The following GPHN variants were observed in gnomAD, a reference collection of about 807,000 sequenced individuals.
GPHN encodes gephyrin.
A neutral mutation model predicts 95.5 loss-of-function variants in GPHN; 17 were observed. The ratio of observed to expected loss-of-function variants is 0.18; its 90% CI spans 0.12 to 0.27. GPHN has a LOEUF of 0.27. Ranked by LOEUF, GPHN falls within the 10% of genes least tolerant of loss-of-function variation. The pLI is 1.00. For synonymous variants in GPHN, 320 were observed against 322.5 expected (o/e 0.99, Z 0.08); for missense variants, 660 against 978.1 (o/e 0.67, Z 4.34).
chr14:67,177,675 G>C (rs1400856780), intron 21 of GPHN, among the ~76,000 whole-genome samples: 1 of 152,088 alleles, frequency 6.6e-6, no homozygotes, highest in Non-Finnish European at 1.5e-5. Flanking sequence ...ATTGACAGTG[G>C]GGTGTTAAAG....
chr14:67,641,091 ACAAT>A, the GPHN span, among the ~76,000 whole-genome samples: 1 of 152,226 alleles, frequency 6.6e-6, no homozygotes, highest in South Asian at 2.1e-4. Context: ...GTGATGCCAA[ACAAT>A]CATATTGTCC....
At chr14:67,539,678 A>AT in the GPHN span, among the ~76,000 whole-genome samples, 10 of 151,996 alleles carry the variant, frequency 6.6e-5, no homozygotes, top group Admixed American at 3.9e-4. Flanking sequence ...AATTCTTTTT[A>AT]TTTTTTTTGG....
At chr14:67,688,442 T>C in the GPHN span, among the ~76,000 whole-genome samples, 2 of 152,172 alleles carry the variant, frequency 1.3e-5, no homozygotes, top group Admixed American at 1.3e-4. Context: ...TCCTTGTGCA[T>C]GATACATACA....
intron 13 of GPHN, 46 bp from the exon 14 acceptor site, chr14:67,110,094 T>G (rs1567344862): frequency 6.3e-7 from 1 of 1,589,646 alleles, no homozygotes; most frequent in Non-Finnish European, 8.6e-7. Flanking sequence ...ACTTTTCCTT[T>G]GCAGCAGCAA....
intron 1 of GPHN, among the ~76,000 whole-genome samples, chr14:66,535,816 A>G (rs1261780370): frequency 1.3e-5 from 2 of 152,122 alleles, no homozygotes; most frequent in Non-Finnish European, 2.9e-5. Flanking sequence ...GCAACCCGCT[A>G]AATTTGCTTA....
chr14:67,575,353 A>G, the GPHN span: 3 of 1,228,244 alleles, frequency 2.4e-6, no homozygotes, highest in Admixed American at 5.7e-5. Context: ...TTCTAGAGTT[A>G]CCTAGTTCTC....
At chr14:66,714,766 G>GA (rs2070005978) in intron 2 of GPHN, among the ~76,000 whole-genome samples, 1 of 152,104 alleles carries the variant, frequency 6.6e-6, no homozygotes, top group South Asian at 2.1e-4. Flanking sequence ...CTTTTTATGT[G>GA]AGGTATCACA....
chr14:67,523,489 C>G, the GPHN span, among the ~76,000 whole-genome samples: 4 of 152,232 alleles, frequency 2.6e-5, no homozygotes, highest in Non-Finnish European at 5.9e-5. Context: ...AAGAATGAAA[C>G]CTAGGCATTT....
At chr14:67,656,413 T>C in the GPHN span, 1 of 1,601,744 alleles carries the variant, frequency 6.2e-7, no homozygotes, top group Non-Finnish European at 8.5e-7. Flanking sequence ...TGCCCAGACT[T>C]ACTCTACTCT....
intron 2 of GPHN, among the ~76,000 whole-genome samples, chr14:66,763,634 C>T (rs2058846022): frequency 6.6e-6 from 1 of 151,718 alleles, no homozygotes; most frequent in Non-Finnish European, 1.5e-5. Context: ...TTAATCCAGT[C>T]TATCATTGTT....
chr14:66,662,801 G>T (rs1332124697), intron 1 of GPHN, among the ~76,000 whole-genome samples: 1 of 152,208 alleles, frequency 6.6e-6, no homozygotes, highest in African/African-American at 2.4e-5. Flanking sequence ...TAGCGCTGAA[G>T]AAAACAACAG....
At chr14:66,612,706 T>C (rs2093562552) in intron 1 of GPHN, among the ~76,000 whole-genome samples, 1 of 150,950 alleles carries the variant, frequency 6.6e-6, no homozygotes. Context: ...AGAAACTTTC[T>C]ATTGCCTCTT....
At chr14:67,164,799 T>G (rs975940738) in intron 19 of GPHN, among the ~76,000 whole-genome samples, 1 of 152,048 alleles carries the variant, frequency 6.6e-6, no homozygotes, top group African/African-American at 2.4e-5. Flanking sequence ...GCCAGTCTTC[T>G]GCTTTTAAGA....
chr14:67,575,834 C>T, the GPHN span: 1 of 1,613,256 alleles, frequency 6.2e-7, no homozygotes. Context: ...GACCCCTGGG[C>T]TGCCTGCCTG....
At chr14:66,890,243 C>G (rs1260812894) in intron 5 of GPHN, among the ~76,000 whole-genome samples, 2 of 151,784 alleles carry the variant, frequency 1.3e-5, no homozygotes, top group African/African-American at 4.8e-5. Flanking sequence ...CCTATCTCTA[C>G]TAAAAATTCA....
At chr14:67,382,318 T>C in the GPHN span, 5 of 753,260 alleles carry the variant, frequency 6.6e-6, no homozygotes, top group Non-Finnish European at 1.0e-5. Flanking sequence ...TAAATTACTG[T>C]CCTGTAGAAT....
At chr14:66,566,457 T>C (rs945194424) in intron 1 of GPHN, among the ~76,000 whole-genome samples, 1 of 152,176 alleles carries the variant, frequency 6.6e-6, no homozygotes. Context: ...CGAGGAATTG[T>C]ATTGACAGGG....
chr14:67,389,719 AG>A, the GPHN span, among the ~76,000 whole-genome samples: 1 of 151,998 alleles, frequency 6.6e-6, no homozygotes, highest in African/African-American at 2.4e-5. Flanking sequence ...GCACAAAGAA[AG>A]TAGGTTAGGC....
the GPHN span, among the ~76,000 whole-genome samples, chr14:67,244,331 T>C: frequency 6.6e-6 from 1 of 152,230 alleles, no homozygotes; most frequent in Admixed American, 6.5e-5. Context: ...ACAGCCAAAT[T>C]ACCCTTTTTA....
Sources: allele counts gnomAD v4.1 joint callset (sites outside exome capture counted in the v4.1 genomes callset), GRCh38; gene constraint gnomAD v4.1.1; transcripts MANE v1.5; gene names NCBI Gene and HGNC (gene_info 2026-07-23, HGNC 2026-07-21).